Variants in DPP10 observed in about 807,000 individuals in gnomAD.
DPP10 encodes the protein inactive dipeptidyl peptidase 10.
In DPP10, 33 loss-of-function variants were observed where a neutral mutation model predicts 120.9. That is an observed-to-expected ratio of 0.27 (90% CI 0.21 to 0.37). DPP10 has a LOEUF of 0.37. Among genes scored for constraint, DPP10 ranks in the 10% least tolerant of loss-of-function variants. The pLI is 1.00. For missense variants in DPP10, 816 were observed against 942.8 expected, an observed-to-expected ratio of 0.87 and a Z score of 1.76; for synonymous variants, 337 against 326.1, an observed-to-expected ratio of 1.03 and a Z score of -0.36.
At chr2:114,969,868 C>T (rs1021400912) in intron 1 of DPP10, among the ~76,000 whole-genome samples, 4 of 152,182 alleles carry the variant, frequency 2.6e-5, no homozygotes, top group East Asian at 3.9e-4. Flanking sequence ...CTCCAGTCCC[C>T]ACTAACCCTC....
At position 115,766,020 on chromosome 2, in the gene DPP10, A is replaced by G. The variant is rs146706348; in HGVS notation, c.1114-2277A>G. On this transcript the variant is annotated intron_variant, in intron 12 of 25. Coordinates refer to ENST00000410059, the MANE Select transcript of DPP10 (RefSeq NM_020868.6). ...TATTAAAATAGTTATTAATTGACTG[A>G]TTCATTCAGTAAATAATTATTGAGC... Among the ~76,000 whole-genome samples, 723 of 152,052 alleles carry G rather than the reference A, an allele frequency of 4.8e-3. 10 individuals carry two copies. The highest frequency in any genetic ancestry group is 0.017 in the African/African-American group (696 of 41,510).
At chr2:114,927,030 T>C (rs1022174620) in intron 1 of DPP10, among the ~76,000 whole-genome samples, 1 of 151,874 alleles carries the variant, frequency 6.6e-6, no homozygotes, top group Non-Finnish European at 1.5e-5. Flanking sequence ...TTTGTATTTT[T>C]AGTAGAGATG....
chr2:114,838,654 AC>A (rs1219366889), intron 1 of DPP10, among the ~76,000 whole-genome samples: 1 of 152,180 alleles, frequency 6.6e-6, no homozygotes, highest in Non-Finnish European at 1.5e-5. Context: ...TTTTTAAAAT[AC>A]CGAAAGGTAT....
Position 115,322,960 on chromosome 2 carries a change from A to G in DPP10, c.175+13607A>G, listed in dbSNP as rs182749304. ...AGAGGGTCTTTCCTTGATGTTGATGACTGCTAACTGAACAAGCTAGTGGTT... is the reference window on the plus strand; with the variant it reads ...AGAGGGTCTTTCCTTGATGTTGATGGCTGCTAACTGAACAAGCTAGTGGTT... On this transcript the variant is annotated intron_variant, in intron 2 of 25. Transcript: ENST00000410059. Among the ~76,000 whole-genome samples the G allele has an allele frequency of 4.6e-5, 7 of 152,304 alleles. No individual in the cohort carries two copies. In the East Asian group the frequency reaches 1.4e-3, roughly 29 times the overall value.
In DPP10 at chr2:115,376,708, C is replaced by T. The variant is rs187666366; in HGVS notation, c.271+32796C>T. On this transcript the variant is annotated intron_variant, in intron 3 of 25. Coordinates refer to ENST00000410059, the MANE Select transcript of DPP10 (RefSeq NM_020868.6). ...CAATGCTATCCATCCCCCCTCCCCCCACCCCACAACAGTCCCCAGAGTGTG... is the reference window on the plus strand; with the variant it reads ...CAATGCTATCCATCCCCCCTCCCCCTACCCCACAACAGTCCCCAGAGTGTG... Among the ~76,000 whole-genome samples the T allele has an allele frequency of 3.1e-5, 4 of 128,468 alleles. No homozygotes were observed. The South Asian group carries it at 9.0e-4, about 29-fold the overall frequency. The allele number at this position is 128,468 out of a possible 152,430, so 84.3% of individuals were successfully genotyped here. A position where few individuals can be genotyped will look rare whatever the true frequency, so the allele number is the denominator to read the frequency against.
At chr2:115,600,421 A>G (rs1366805013) in intron 5 of DPP10, among the ~76,000 whole-genome samples, 1 of 152,198 alleles carries the variant, frequency 6.6e-6, no homozygotes, top group East Asian at 1.9e-4. Flanking sequence ...AATCCAGTAA[A>G]ACATACTTTG....
At chr2:114,563,219 A>G (rs1214761518) in intron 1 of DPP10, among the ~76,000 whole-genome samples, 7 of 152,174 alleles carry the variant, frequency 4.6e-5, no homozygotes, top group Non-Finnish European at 8.8e-5. Flanking sequence ...TAAAAACACA[A>G]AAATTAGCTG....
chr2:115,141,344 TC>T (rs1354526644), intron 1 of DPP10, among the ~76,000 whole-genome samples: 5 of 152,196 alleles, frequency 3.3e-5, no homozygotes. Flanking sequence ...CCTGCTATAT[TC>T]CAGACACCGT....
At chr2:114,806,575 A>C (rs2106305027) in intron 1 of DPP10, among the ~76,000 whole-genome samples, 1 of 152,302 alleles carries the variant, frequency 6.6e-6, no homozygotes, top group Middle Eastern at 3.4e-3. Context: ...TGAGTCAAAG[A>C]ACTTGTTCTT....
chr2:114,734,315 T>A (rs1289290395), intron 1 of DPP10, among the ~76,000 whole-genome samples: 1 of 152,188 alleles, frequency 6.6e-6, no homozygotes, highest in Admixed American at 6.6e-5. Context: ...CTCTGAAGTC[T>A]GCTACCTGAG....
chr2:115,766,310 G>GTGTA (rs1371625141), intron 12 of DPP10, among the ~76,000 whole-genome samples: 3 of 81,744 alleles, frequency 3.7e-5, no homozygotes, highest in South Asian at 4.9e-4. Context: ...GTGTGTGTGT[G>GTGTA]TATATATATA....
chr2:115,191,484 G>GT (rs879822873), intron 1 of DPP10, among the ~76,000 whole-genome samples: 4 of 152,248 alleles, frequency 2.6e-5, no homozygotes, highest in Non-Finnish European at 5.9e-5. Flanking sequence ...AAATGTAATA[G>GT]TTTGAGGCAG....
intron 24 of DPP10, among the ~76,000 whole-genome samples, chr2:115,839,172 T>C (rs1197428402): frequency 6.6e-6 from 1 of 152,210 alleles, no homozygotes; most frequent in Non-Finnish European, 1.5e-5. Flanking sequence ...TTTGTACTTA[T>C]GTAGCAATGA....
chr2:114,812,992 A>C lies in DPP10; in HGVS notation c.60+370154A>C, dbSNP rs142696645. Reference sequence around the variant, plus strand: ...TGGGCAACAGTGTTGAATTACGTACATGCATCACGTACAGCTGTATACAGC... The same window carrying C: ...TGGGCAACAGTGTTGAATTACGTACCTGCATCACGTACAGCTGTATACAGC... On this transcript the variant is annotated intron_variant, in intron 1 of 25. Transcript: ENST00000410059. Among the ~76,000 whole-genome samples, 28 of 152,330 alleles carry C rather than the reference A, an allele frequency of 1.8e-4. No homozygotes were observed. In the East Asian group the frequency reaches 5.0e-3, roughly 27 times the overall value.
intron 3 of DPP10, among the ~76,000 whole-genome samples, chr2:115,479,698 G>C (rs909855086): frequency 6.6e-6 from 1 of 151,974 alleles, no homozygotes; most frequent in Admixed American, 6.6e-5. Flanking sequence ...ATAAGACCAG[G>C]AGGACTTAAT....
intron 3 of DPP10, among the ~76,000 whole-genome samples, chr2:115,382,766 G>T (rs144544899): frequency 6.6e-6 from 1 of 152,280 alleles, no homozygotes; most frequent in East Asian, 1.9e-4. Flanking sequence ...ATTTACATTT[G>T]TTCCCACCAT....
intron 19 of DPP10, among the ~76,000 whole-genome samples, chr2:115,807,646 C>A (rs1305766214): frequency 1.3e-5 from 2 of 151,110 alleles, no homozygotes; most frequent in Non-Finnish European, 1.5e-5. Flanking sequence ...TGCCTTTGGC[C>A]GATAATAGTT....
chr2:115,749,869 TG>T, intron 10 of DPP10: 2 of 394,860 alleles, frequency 5.1e-6, no homozygotes, highest in East Asian at 1.6e-4. Context: ...CAGGTGATGC[TG>T]GGGCCTCCAT....
intron 1 of DPP10, among the ~76,000 whole-genome samples, chr2:114,630,761 A>C (rs1258569189): frequency 1.3e-5 from 2 of 152,178 alleles, no homozygotes; most frequent in East Asian, 3.9e-4. Flanking sequence ...AATGTGGTGT[A>C]GATTACAAAA....
Sources: allele counts gnomAD v4.1 joint callset (sites outside exome capture counted in the v4.1 genomes callset), GRCh38; gene constraint gnomAD v4.1.1; transcripts MANE v1.5; gene names NCBI Gene and HGNC (gene_info 2026-07-23, HGNC 2026-07-21).